SMC5: variants seen among roughly 807,000 people sequenced by gnomAD.
SMC5 encodes the protein structural maintenance of chromosomes protein 5.
A neutral mutation model predicts 148.3 loss-of-function variants in SMC5; 88 were observed. The ratio of observed to expected loss-of-function variants is 0.59; its 90% CI spans 0.50 to 0.71. SMC5 has a LOEUF of 0.71. SMC5 is among the 30% of genes least tolerant of loss of function. SMC5 has a pLI of 0.00. For missense variants in SMC5, 1,142 were observed against 1,298.9 expected (o/e 0.88, Z 1.86); for synonymous variants, 421 against 432.8 (o/e 0.97, Z 0.34).
intron 17 of SMC5, among the ~76,000 whole-genome samples, chr9:70,330,216 G>A (rs747638113): frequency 2.0e-5 from 3 of 152,164 alleles, no homozygotes; most frequent in Non-Finnish European, 4.4e-5. Context: ...ATTTTAGAGT[G>A]GATAAATTTT....
intron 20 of SMC5, 108 bp downstream of exon 20, chr9:70,347,269 T>A: frequency 1.3e-6 from 1 of 748,668 alleles, no homozygotes; most frequent in Non-Finnish European, 2.2e-6. Flanking sequence ...TCCCACTCTG[T>A]ACTAGAGCTC....
intron 18 of SMC5, among the ~76,000 whole-genome samples, chr9:70,345,468 A>G (rs1003798370): frequency 1.3e-5 from 2 of 152,078 alleles, no homozygotes; most frequent in African/African-American, 2.4e-5. Context: ...TGGTCAGGGA[A>G]GCCTCCTTTG....
chr9:70,323,937 A>T, intron 16 of SMC5, 84 bp from the exon 17 acceptor site: 1 of 1,233,108 alleles, frequency 8.1e-7, no homozygotes, highest in Non-Finnish European at 1.1e-6. Context: ...CATGGTTTAT[A>T]ATTTTGTTTT....
chr9:70,309,412 TTA>T (rs1441295266), intron 11 of SMC5, among the ~76,000 whole-genome samples: 1 of 144,280 alleles, frequency 6.9e-6, no homozygotes, highest in Non-Finnish European at 1.5e-5. Context: ...AGTGCTGGAA[TTA>T]TAGGCATGAG....
At chr9:70,279,627 G>A (rs574871529) in intron 5 of SMC5, among the ~76,000 whole-genome samples, 97 of 152,160 alleles carry the variant, frequency 6.4e-4, no homozygotes, top group African/African-American at 2.2e-3. Context: ...GACCAGCCTG[G>A]CCAACATGGT....
intron 1 of SMC5, among the ~76,000 whole-genome samples, chr9:70,262,709 T>G (rs1267484098): frequency 6.6e-6 from 1 of 152,110 alleles, no homozygotes; most frequent in Non-Finnish European, 1.5e-5. Flanking sequence ...GTAGATAGTA[T>G]GCAAAGACTT....
intron 17 of SMC5, among the ~76,000 whole-genome samples, chr9:70,330,566 T>TC (rs1469079285): frequency 2.1e-5 from 3 of 142,474 alleles, no homozygotes; most frequent in Non-Finnish European, 4.6e-5. Context: ...TTTTTTTTTT[T>TC]CAAGACAGAG....
intron 17 of SMC5, among the ~76,000 whole-genome samples, chr9:70,341,365 G>C (rs1037214340): frequency 3.3e-5 from 5 of 152,128 alleles, no homozygotes; most frequent in African/African-American, 1.2e-4. Context: ...AAAGTCCAGA[G>C]GAACAAGAAT....
chr9:70,345,967 C>T (rs2036657449), intron 18 of SMC5, among the ~76,000 whole-genome samples: 2 of 152,100 alleles, frequency 1.3e-5, no homozygotes, highest in African/African-American at 4.8e-5. Context: ...GTGACAGAGC[C>T]AGCAAGACTT....
intron 6 of SMC5, among the ~76,000 whole-genome samples, chr9:70,281,666 G>A (rs2118178979): frequency 6.6e-6 from 1 of 152,282 alleles, no homozygotes; most frequent in Non-Finnish European, 1.5e-5. Flanking sequence ...TTCAAAAAGA[G>A]TATTTGTGGC....
At chr9:70,348,939 A>T (rs1277551334) in intron 22 of SMC5, among the ~76,000 whole-genome samples, 1 of 152,226 alleles carries the variant, frequency 6.6e-6, no homozygotes, top group African/African-American at 2.4e-5. Flanking sequence ...TGTCTCAAAA[A>T]AAAAGTAACT....
At chr9:70,300,299 A>T in intron 10 of SMC5, 99 bp downstream of exon 10, 1 of 1,114,580 alleles carries the variant, frequency 9.0e-7, no homozygotes, top group Non-Finnish European at 1.2e-6. Context: ...CTGGTTTTAC[A>T]TTATCAGACT....
chr9:70,260,188 T>C (rs1236572723), intron 1 of SMC5, among the ~76,000 whole-genome samples: 1 of 152,132 alleles, frequency 6.6e-6, no homozygotes, highest in Non-Finnish European at 1.5e-5. Flanking sequence ...CACTGCAACC[T>C]CCGCCTCCCA....
chr9:70,312,204 G>A (rs1183100984), intron 11 of SMC5: 1 of 150,466 alleles, frequency 6.6e-6, no homozygotes, highest in African/African-American at 2.5e-5. Context: ...TCACAGTTCT[G>A]CATGGCTGAG....
intron 11 of SMC5, among the ~76,000 whole-genome samples, chr9:70,308,590 CAAAAAAAAAAAAAAA>C (rs59441324): frequency 5.5e-5 from 4 of 72,238 alleles, no homozygotes; most frequent in Admixed American, 2.0e-4. Context: ...GACTCTGTCT[CAAAAAAAAAAAAAAA>C]AAAAAAAAAA....
chr9:70,273,311 G>A (rs1431523540), intron 3 of SMC5, among the ~76,000 whole-genome samples: 3 of 150,936 alleles, frequency 2.0e-5, no homozygotes, highest in African/African-American at 4.9e-5. Context: ...TTTATACTTC[G>A]TAAAGGATTT....
intron 17 of SMC5, among the ~76,000 whole-genome samples, chr9:70,338,387 C>G (rs913735757): frequency 6.6e-6 from 1 of 152,090 alleles, no homozygotes; most frequent in African/African-American, 2.4e-5. Flanking sequence ...CTTTTCCTTG[C>G]CCTTTGCCCA....
At chr9:70,327,201 C>T (rs2036103222) in intron 17 of SMC5, among the ~76,000 whole-genome samples, 1 of 152,004 alleles carries the variant, frequency 6.6e-6, no homozygotes, top group African/African-American at 2.4e-5. Context: ...ATTTCAGGTC[C>T]AGGAGAAGAA....
chr9:70,342,290 G>A (rs1487252659), intron 17 of SMC5, among the ~76,000 whole-genome samples: 3 of 150,174 alleles, frequency 2.0e-5, no homozygotes, highest in South Asian at 4.3e-4. Context: ...CCTAATGCTA[G>A]ATGACGAGTT....
Sources: gnomAD v4.1 joint callset for allele counts (sites outside exome capture counted in the v4.1 genomes callset) on GRCh38, gnomAD v4.1.1 for gene constraint, MANE v1.5 for transcripts, NCBI Gene and HGNC (gene_info 2026-07-23, HGNC 2026-07-21) for gene names.